Variants in UBE2T observed in about 807,000 individuals in gnomAD.
UBE2T encodes the protein ubiquitin-conjugating enzyme E2 T.
UBE2T carries 15 observed loss-of-function variants against 23.3 expected under a neutral mutation model. The observed-to-expected ratio is 0.64, with a 90% CI of 0.43 to 0.99. UBE2T has a LOEUF of 0.99. UBE2T is among the 50% of genes least tolerant of loss of function. The pLI is 0.00. For synonymous variants in UBE2T, 67 were observed against 78.4 expected, an observed-to-expected ratio of 0.85 and a Z score of 0.77; for missense variants, 197 against 234.9, an observed-to-expected ratio of 0.84 and a Z score of 1.05.
In UBE2T at chr1:202,333,442, C is replaced by T. The variant is rs750653964; in HGVS notation, c.285+8G>A. The T allele has an allele frequency of 1.8e-5, 29 of 1,613,828 alleles. No individual in the cohort carries two copies. The highest frequency in any genetic ancestry group is 1.3e-4 in the South Asian group (12 of 91,060). On this transcript the variant is annotated splice_region_variant and intron_variant, in intron 4 of 6. Transcript: ENST00000646651. Reference sequence around the variant, plus strand: ...TGCTGTAGAGTCAACCATTTACCCACAACTCACTTTTGGTGGCAATTTGAG... The same window carrying T: ...TGCTGTAGAGTCAACCATTTACCCATAACTCACTTTTGGTGGCAATTTGAG...
Position 202,335,473 on chromosome 1 carries a change from C to T in UBE2T, c.109+173G>A. The T allele has an allele frequency of 1.6e-6, 1 of 629,706 alleles. No homozygotes were observed. Among genetic ancestry groups the T allele is most frequent in the Non-Finnish European group, 2.7e-6 (1 of 366,400 alleles). 39.0% of individuals were successfully genotyped at this position (629,706 alleles called of 1,614,324 possible). On this transcript the variant is annotated intron_variant, in intron 2 of 6. Transcript: ENST00000646651. The surrounding 1 kb of genome is among the most constrained non-coding windows in gnomAD (Gnocchi z 4.0). Reference sequence around the variant, plus strand: ...AAGGTATAATAAAAAGTCAAAGAAGCAAGAAATGTCAAGCAAACCTTTTAT... The same window carrying T: ...AAGGTATAATAAAAAGTCAAAGAAGTAAGAAATGTCAAGCAAACCTTTTAT...
intron 3 of UBE2T, among the ~76,000 whole-genome samples, chr1:202,333,830 T>A (rs1376476298): frequency 1.3e-5 from 2 of 152,164 alleles, no homozygotes; most frequent in Non-Finnish European, 2.9e-5. Context: ...AATAAGAACA[T>A]TCTCCCATAT....
chr1:202,335,076 A>G lies in UBE2T; in HGVS notation c.110-18T>C. On this transcript the variant is annotated intron_variant, in intron 2 of 6. Transcript: ENST00000646651. This position sits in a 1 kb window ranked among gnomAD's most constrained non-coding sequence, Gnocchi z 4.0. ...TAATATTTCTTAAAAGAAAAAAGAA[A>G]GAAAAAGTTAAAAGGGAATCAGATC... 6.3e-7 allele frequency: 1 copy of G among 1,591,902 alleles called. No homozygotes were observed. The highest frequency in any genetic ancestry group is 8.6e-7 in the Non-Finnish European group (1 of 1,165,924).
chr1:202,338,276 A>G (rs988488218), intron 1 of UBE2T, among the ~76,000 whole-genome samples: 7 of 148,124 alleles, frequency 4.7e-5, no homozygotes, highest in African/African-American at 1.5e-4. Flanking sequence ...CTGGAGTGCA[A>G]TGGTGTGCTC....
In UBE2T at chr1:202,338,219, AT is replaced by A. The variant is rs1017714491; in HGVS notation, c.-64-2402del. 4.0e-5 allele frequency among the ~76,000 whole-genome samples: 6 copies of A among 151,446 alleles called. No homozygotes were observed. The South Asian group carries it at 8.4e-4, about 21-fold the overall frequency. On this transcript the variant is annotated intron_variant, in intron 1 of 6. Coordinates refer to ENST00000646651, the MANE Select transcript of UBE2T (RefSeq NM_014176.4). Reference sequence around the variant, plus strand: ...TTACTGATACATGTAAATCTAATTGATTTTTTTTTATTTTTTTGAGATGGAG... The same window carrying A: ...TTACTGATACATGTAAATCTAATTGATTTTTTTTATTTTTTTGAGATGGAG...
At chr1:202,332,388 A>G (rs566326971) in intron 6 of UBE2T, among the ~76,000 whole-genome samples, 1 of 152,326 alleles carries the variant, frequency 6.6e-6, no homozygotes, top group Non-Finnish European at 1.5e-5. Context: ...CTTAGAAAAA[A>G]AGAATCTGAG....
intron 1 of UBE2T, among the ~76,000 whole-genome samples, chr1:202,339,620 AAAC>A (rs1301599527): frequency 4.6e-5 from 7 of 151,586 alleles, no homozygotes; most frequent in Non-Finnish European, 7.4e-5. Context: ...AAAAAAAAAA[AAAC>A]ATCTTCGTCC....
At position 202,335,999 on chromosome 1, in the gene UBE2T, C is replaced by T. The variant is rs1196117937; in HGVS notation, c.-64-181G>A. On this transcript the variant is annotated intron_variant, in intron 1 of 6. Transcript: ENST00000646651. This position sits in a 1 kb window ranked among gnomAD's most constrained non-coding sequence, Gnocchi z 4.0. ...CCATCTCAGCTCACTGCAATTTCCA[C>T]CTTCTGGGTTTGAGCAATTCTCATG... 6.6e-6 allele frequency among the ~76,000 whole-genome samples: 1 copy of T among 152,176 alleles called. No individual in the cohort carries two copies. Among genetic ancestry groups the T allele is most frequent in the Non-Finnish European group, 1.5e-5 (1 of 68,042 alleles).
At chr1:202,334,174 TG>T (rs1242165636) in intron 3 of UBE2T, among the ~76,000 whole-genome samples, 89 of 152,324 alleles carry the variant, frequency 5.8e-4, no homozygotes, top group African/African-American at 2.0e-3. Flanking sequence ...TTCCCCGTTC[TG>T]TACAAAACTA....
Position 202,333,279 on chromosome 1 carries a change from G to A in UBE2T, c.342C>T (p.Leu114=). Reference sequence around the variant, plus strand: ...GGTCATCAGGGTTGGGTTCTGACATGAGCAGCTGAATAGAGGTCAACACAG... The same window carrying A: ...GGTCATCAGGGTTGGGTTCTGACATAAGCAGCTGAATAGAGGTCAACACAG... ...IATVLTSIQL[L]MSEPNPDDPL... Residue 114 remains leucine (L), a synonymous_variant, in exon 5 of 7, where the codon CTC becomes CTT. Transcript: ENST00000646651. The A allele has an allele frequency of 6.2e-7, 1 of 1,614,184 alleles. No individual in the cohort carries two copies. Among genetic ancestry groups the A allele is most frequent in the Non-Finnish European group, 8.5e-7 (1 of 1,180,034 alleles).
At position 202,331,817 on chromosome 1, in the gene UBE2T, T is replaced by C. The variant is rs1369091264; in HGVS notation, c.*18A>G. ...TTGGCAAAGAACACATTAACTAAGA[T>C]GAACCAGGACAAGTCCCCTAAACAT... On this transcript the variant is annotated 3_prime_UTR_variant, in exon 7 of 7. Transcript: ENST00000646651. 7 of 1,613,938 alleles carry C rather than the reference T, an allele frequency of 4.3e-6. No individual in the cohort carries two copies. The highest frequency in any genetic ancestry group is 2.2e-5 in the East Asian group (1 of 44,874).
intron 1 of UBE2T, among the ~76,000 whole-genome samples, chr1:202,339,649 AT>A (rs1316377999): frequency 4.7e-5 from 7 of 149,836 alleles, no homozygotes; most frequent in African/African-American, 1.5e-4. Context: ...CGTACTATAC[AT>A]TTTTTCTTGT....
chr1:202,332,929 A>AAAAAAAAAAAAAAAAAAC (rs1558100015), intron 6 of UBE2T, 81 bp downstream of exon 6: 2 of 458,934 alleles, frequency 4.4e-6, no homozygotes, highest in Non-Finnish European at 3.1e-6. Context: ...AAAAAAAAAA[A>AAAAAAAAAAAAAAAAAAC]AAAAAAAAAA....
chr1:202,331,836 T>C lies in UBE2T; in HGVS notation c.593A>G (p.Ter198TrpextTer8), dbSNP rs1654758431. The C allele has an allele frequency of 3.1e-6, 5 of 1,614,024 alleles. No individual in the cohort carries two copies. The highest frequency in any genetic ancestry group is 3.4e-6 in the Non-Finnish European group (4 of 1,180,008). Reference sequence around the variant, plus strand: ...CTAAGATGAACCAGGACAAGTCCCCTAAACATCAGGATGAAATTTCTTTTC... The same window carrying C: ...CTAAGATGAACCAGGACAAGTCCCCCAAACATCAGGATGAAATTTCTTTTC... ...GIEKKFHPDV[*>W] The change falls in exon 7 of 7, where the codon TAG becomes TGG. Residue 198 changes from the stop codon to tryptophan, a stop_lost. Transcript: ENST00000646651.
intron 1 of UBE2T, among the ~76,000 whole-genome samples, chr1:202,340,047 T>TA (rs1406400457): frequency 6.6e-6 from 1 of 151,302 alleles, no homozygotes; most frequent in East Asian, 1.9e-4. Flanking sequence ...CCCTCTCTAC[T>TA]AAAAATATAA....
chr1:202,337,614 CTA>C (rs1488496695), intron 1 of UBE2T, among the ~76,000 whole-genome samples: 1 of 152,110 alleles, frequency 6.6e-6, no homozygotes, highest in East Asian at 1.9e-4. Flanking sequence ...AATTAAATTT[CTA>C]TATGTGTGGA....
intron 1 of UBE2T, among the ~76,000 whole-genome samples, chr1:202,337,398 C>T (rs1317365012): frequency 6.6e-6 from 1 of 152,118 alleles, no homozygotes; most frequent in African/African-American, 2.4e-5. Flanking sequence ...TTTCCTTACC[C>T]CCAAATGTAG....
In UBE2T at chr1:202,333,268, G is replaced by A. The variant is rs1654807305; in HGVS notation, c.353C>T (p.Pro118Leu). ...AGCCATGAGCGGGTCATCAGGGTTG[G>A]GTTCTGACATGAGCAGCTGAATAGA... Reference protein sequence around the residue: ...LTSIQLLMSEPNPDDPLMADI... With the variant: ...LTSIQLLMSELNPDDPLMADI... The change falls in exon 5 of 7, where the codon CCC (proline) becomes CTC (leucine). Residue 118 changes from proline to leucine, a missense_variant. Transcript: ENST00000646651. 1 of 1,614,170 alleles carries A rather than the reference G, an allele frequency of 6.2e-7. No homozygotes were observed. The highest frequency in any genetic ancestry group is 1.3e-5 in the African/African-American group (1 of 75,032).
rs368544549 is a variant in UBE2T at position 202,332,684 on chromosome 1, G to A, written c.468+326C>T. Among the ~76,000 whole-genome samples the A allele has an allele frequency of 3.7e-4, 56 of 151,512 alleles. 1 individual carries two copies. Among genetic ancestry groups the A allele is most frequent in the African/African-American group, 1.2e-3 (49 of 41,362 alleles). On this transcript the variant is annotated intron_variant, in intron 6 of 6. Transcript: ENST00000646651. ...AGCACTTTGGGAGGCCGAGGCGGGCGGATCACGAGGTCAGGAGATCGAGAC... is the reference window on the plus strand; with the variant it reads ...AGCACTTTGGGAGGCCGAGGCGGGCAGATCACGAGGTCAGGAGATCGAGAC...
Sources: gnomAD v4.1 joint callset for allele counts (sites outside exome capture counted in the v4.1 genomes callset) on GRCh38, gnomAD v4.1.1 for gene constraint, Gnocchi (gnomAD v3.1) non-coding constraint, MANE v1.5 for transcripts, NCBI Gene and HGNC (gene_info 2026-07-23, HGNC 2026-07-21) for gene names.